Variants in DDN observed in about 807,000 individuals in gnomAD.
DDN encodes the protein dendrin.
A neutral mutation model predicts 7.3 loss-of-function variants in DDN; 4 were observed. That is an observed-to-expected ratio of 0.55 (90% confidence interval 0.27 to 1.25). DDN has a LOEUF of 1.25. Among genes scored for constraint, DDN ranks in the 50% most tolerant of loss-of-function variants. The pLI is 0.12. For missense variants in DDN, 933 were observed against 974.7 expected (o/e 0.96, Z 0.57); for synonymous variants, 425 against 424.3 (o/e 1.00, Z -0.02).
chr12:48,996,537 T>G lies in DDN; in HGVS notation c.*203A>C. 1 of 868,222 alleles carries G rather than the reference T, an allele frequency of 1.2e-6. No individual in the cohort carries two copies. 53.8% of individuals were successfully genotyped at this position (868,222 alleles called of 1,614,324 possible). On this transcript the variant is annotated 3_prime_UTR_variant, in exon 2 of 2. Coordinates refer to ENST00000421952, the MANE Select transcript of DDN (RefSeq NM_015086.2). ...TGCCCTGAACATAACAGACATTAAT[T>G]AAATCTGCTCATTCTCACCTCTCCT...
At position 48,996,943 on chromosome 12, in the gene DDN, C is replaced by T. The variant is rs1241266428; in HGVS notation, c.1933G>A (p.Asp645Asn). 1 of 1,590,180 alleles carries T rather than the reference C, an allele frequency of 6.3e-7. No homozygotes were observed. ...CAGGAGGCGCCCGGGGCTTCTGTGTCGCTTCCATCAGAGGAGCCGCTATGG... is the reference window on the plus strand; with the variant it reads ...CAGGAGGCGCCCGGGGCTTCTGTGTTGCTTCCATCAGAGGAGCCGCTATGG... ...SVHSGSSDGS[D>N]TEAPGASWRN... The change falls in exon 2 of 2, where the codon GAC becomes AAC. Residue 645 changes from aspartate to asparagine, a missense_variant. Transcript: ENST00000421952.
Position 48,999,261 on chromosome 12 carries a change from C to G in DDN, c.27G>C (p.Glu9Asp). 1 of 1,555,450 alleles carries G rather than the reference C, an allele frequency of 6.4e-7. No homozygotes were observed. The highest frequency in any genetic ancestry group is 8.7e-7 in the Non-Finnish European group (1 of 1,149,358). ...GGAGCTCCCGGGGGCTGTCAGGCCCCTCGGAGAACAGTGGGCCATCCAGCA... is the reference window on the plus strand; with the variant it reads ...GGAGCTCCCGGGGGCTGTCAGGCCCGTCGGAGAACAGTGGGCCATCCAGCA... MLDGPLFS[E>D]GPDSPRELQD... is the part of the protein sequence containing the mutation. Residue 9 changes from glutamate (E) to aspartate (D), a missense_variant, in exon 1 of 2, where the codon GAG becomes GAC. Glu to Asp is a conservative substitution (Grantham distance 45). Transcript: ENST00000421952.
chr12:48,999,004 G>C, intron 1 of DDN, 75 bp downstream of exon 1: 1 of 1,508,588 alleles, frequency 6.6e-7, no homozygotes, highest in Non-Finnish European at 9.2e-7. Flanking sequence ...AGCAGTGCTC[G>C]CTGGTGCCTG....
chr12:48,999,306 G>T lies in DDN; in HGVS notation c.-19C>A, dbSNP rs968216381. The T allele has an allele frequency of 5.1e-6, 4 of 791,734 alleles. No individual in the cohort carries two copies. The highest frequency in any genetic ancestry group is 6.8e-6 in the Non-Finnish European group (4 of 588,304). 49.0% of individuals were successfully genotyped at this position (791,734 alleles called of 1,614,324 possible). On this transcript the variant is annotated 5_prime_UTR_variant, in exon 1 of 2. Coordinates refer to ENST00000421952, the MANE Select transcript of DDN (RefSeq NM_015086.2). ...CCAGCATCCTGCCCCACCCCACCCC[G>T]GCCCCCCACCCTCCCACCCGCCCCA...
Position 48,997,641 on chromosome 12 carries a change from C to T in DDN, c.1235G>A (p.Trp412Ter). Residue 412 changes from tryptophan (W) to a stop codon, truncating the protein, a stop_gained, in exon 2 of 2, where the codon TGG (tryptophan) becomes TAG (stop). Transcript: ENST00000421952. LOFTEE classifies it low-confidence loss of function (END_TRUNC). ...CTCTCCAAGACCCAGAGATTCTCTC[C>T]ATCCGGTGCCTCCGGGAGCCCAGGG... Reference protein sequence around the residue: ...PRPWAPGGTGWRESLGLGEGA... With the variant: ...PRPWAPGGTG 6.5e-7 allele frequency: 1 copy of T among 1,548,050 alleles called. No homozygotes were observed. Among genetic ancestry groups the T allele is most frequent in the Non-Finnish European group, 8.7e-7 (1 of 1,145,958 alleles).
At position 48,997,140 on chromosome 12, in the gene DDN, C is replaced by G. The variant is rs149836945; in HGVS notation, c.1736G>C (p.Gly579Ala). Residue 579 changes from glycine (G) to alanine (A), a missense_variant, in exon 2 of 2, where the codon GGA becomes GCA. Coordinates refer to ENST00000421952, the MANE Select transcript of DDN (RefSeq NM_015086.2). ...EHQALGPAAS[G>A]AQGRAEGSEV... ...CGACCCCTCGGCTCTGCCCTGGGCT[C>G]CCGAAGCTGCTGGGCCTAAGGCTTG... 2.6e-6 allele frequency: 4 copies of G among 1,529,826 alleles called. No individual in the cohort carries two copies. The African/African-American group carries it at 5.6e-5, about 21-fold the overall frequency. The allele number at this position is 1,529,826 out of a possible 1,614,324, so 94.8% of individuals were successfully genotyped here. A position where few individuals can be genotyped will look rare whatever the true frequency, so the allele number is the denominator to read the frequency against.
In DDN at chr12:48,997,859, C is replaced by T. The variant is rs763507726; in HGVS notation, c.1017G>A (p.Gly339=). 30 of 1,613,456 alleles carry T rather than the reference C, an allele frequency of 1.9e-5. No individual in the cohort carries two copies. The highest frequency in any genetic ancestry group is 1.6e-4 in the Middle Eastern group (1 of 6,062). Residue 339 remains glycine (G), a synonymous_variant, in exon 2 of 2, where the codon GGG becomes GGA. Transcript: ENST00000421952. ...CAGGAGCTATCTCGGTGCCTGCGCT[C>T]CCTGTAGCTTTGGCTTGGGGATGGC... ...SDSHPQAKAT[G]SAGTEIAPAG...
Position 48,998,273 on chromosome 12 carries a change from TG to T in DDN, c.602del (p.Pro201GlnfsTer9). The T allele has an allele frequency of 6.2e-7, 1 of 1,606,120 alleles. No homozygotes were observed. The highest frequency in any genetic ancestry group is 8.5e-7 in the Non-Finnish European group (1 of 1,177,036). Reference protein sequence around the residue: ...GPWGGRRPGPPSYEAHLLLRG... With the variant: ...GPWGGRRPGPXSYEAHLLLRG... ...TCAGCAGCAGGTGAGCCTCGTAGCT[TG>T]GGGGCCCGGGCCGCCGACCTCCCCA... On this transcript the variant is annotated frameshift_variant, in exon 2 of 2. Coordinates refer to ENST00000421952, the MANE Select transcript of DDN (RefSeq NM_015086.2). LOFTEE classifies it low-confidence loss of function (END_TRUNC).
intron 1 of DDN, 145 bp downstream of exon 1, chr12:48,998,934 T>A (rs1235737497): frequency 9.8e-7 from 1 of 1,017,442 alleles, no homozygotes; most frequent in Non-Finnish European, 1.4e-6. Flanking sequence ...ACGGGATGAG[T>A]CAGGCCCCAG....
chr12:48,999,353 G>T lies in DDN; in HGVS notation c.-66C>A, dbSNP rs1941267530. On this transcript the variant is annotated 5_prime_UTR_variant, in exon 1 of 2. Transcript: ENST00000421952. ...CCCAGGAGCCCCCTCCCAGCCCAGG[G>T]AGCCGGCGCCCACTGCAGAGCCGCG... The T allele has an allele frequency of 6.9e-6, 9 of 1,308,924 alleles. No homozygotes were observed. The highest frequency in any genetic ancestry group is 7.9e-6 in the Non-Finnish European group (8 of 1,016,194). 81.1% of individuals were successfully genotyped at this position (1,308,924 alleles called of 1,614,324 possible). A position where few individuals can be genotyped will look rare whatever the true frequency, so the allele number is the denominator to read the frequency against.
Position 48,999,171 on chromosome 12 carries a change from C to T in DDN, c.117G>A (p.Lys39=). The T allele has an allele frequency of 6.2e-7, 1 of 1,613,972 alleles. No individual in the cohort carries two copies. Among genetic ancestry groups the T allele is most frequent in the East Asian group, 2.2e-5 (1 of 44,870 alleles). Residue 39 remains lysine, a synonymous_variant, in exon 1 of 2, where the codon AAG becomes AAA. Coordinates refer to ENST00000421952, the MANE Select transcript of DDN (RefSeq NM_015086.2). ...QKSKLLVIEV[K]TISCHYSRRA... ...GGCGACTATAATGACAGGAAATAGT[C>T]TTCACTTCTATCACCAATAGCTTGG...
Position 48,999,241 on chromosome 12 carries a change from T to G in DDN, c.47A>C (p.Glu16Ala), listed in dbSNP as rs1941264423. ...LFSEGPDSPR[E>A]LQDEESGSCL... ...GCTGCCAGACTCCTCATCCTGGAGC[T>G]CCCGGGGGCTGTCAGGCCCCTCGGA... is the stretch of plus-strand genomic sequence containing the variant. Residue 16 changes from glutamate (E) to alanine (A), a missense_variant, in exon 1 of 2, where the codon GAG becomes GCG. Glu to Ala is a moderately radical substitution (Grantham distance 107). Coordinates refer to ENST00000421952, the MANE Select transcript of DDN (RefSeq NM_015086.2). 6.4e-7 allele frequency: 1 copy of G among 1,572,224 alleles called. No individual in the cohort carries two copies. Among genetic ancestry groups the G allele is most frequent in the African/African-American group, 1.4e-5 (1 of 73,624 alleles).
chr12:48,999,356 C>T lies in DDN; in HGVS notation c.-69G>A, dbSNP rs911530167. On this transcript the variant is annotated 5_prime_UTR_variant, in exon 1 of 2. Transcript: ENST00000421952. The stretch of plus-strand genomic sequence containing the variant: ...AGGAGCCCCCTCCCAGCCCAGGGAG[C>T]CGGCGCCCACTGCAGAGCCGCGGGC... 1.1e-5 allele frequency: 15 copies of T among 1,417,868 alleles called. No individual in the cohort carries two copies. The highest frequency in any genetic ancestry group is 2.5e-4 in the Middle Eastern group (1 of 3,968). 87.8% of individuals were successfully genotyped at this position (1,417,868 alleles called of 1,614,324 possible). A position where few individuals can be genotyped will look rare whatever the true frequency, so the allele number is the denominator to read the frequency against.
In DDN at chr12:48,996,750, T is replaced by C. The variant is rs1439509204; in HGVS notation, c.2126A>G (p.Lys709Arg). 1 of 1,612,834 alleles carries C rather than the reference T, an allele frequency of 6.2e-7. No individual in the cohort carries two copies. The highest frequency in any genetic ancestry group is 1.3e-5 in the African/African-American group (1 of 74,916). ...ACAAGAAGGGGCCTCTCACTGCCTCTTCCTATTTCCCTGTTGGGTCCCTCT... is the reference window on the plus strand; with the variant it reads ...ACAAGAAGGGGCCTCTCACTGCCTCCTCCTATTTCCCTGTTGGGTCCCTCT... The part of the protein sequence containing the change: ...DIRGTQQGNR[K>R]RQ Residue 709 changes from lysine (K) to arginine (R), a missense_variant, in exon 2 of 2, where the codon AAG becomes AGG. Coordinates refer to ENST00000421952, the MANE Select transcript of DDN (RefSeq NM_015086.2).
intron 1 of DDN, 76 bp downstream of exon 1, chr12:48,999,003 C>G: frequency 6.7e-7 from 1 of 1,492,430 alleles, no homozygotes; most frequent in Admixed American, 1.7e-5. Flanking sequence ...CAGCAGTGCT[C>G]GCTGGTGCCT....
rs370595146 is a variant in DDN at position 48,998,680 on chromosome 12, C to T, written c.210-14G>A. On this transcript the variant is annotated splice_polypyrimidine_tract_variant and intron_variant, in intron 1 of 1. Transcript: ENST00000421952. ...CGCGGCCCACACCTGGGACAATGAG[C>T]AGGAACCCAGGTGAGCAGTTTGTGG... The T allele has an allele frequency of 1.6e-4, 235 of 1,478,170 alleles. No individual in the cohort carries two copies. Among genetic ancestry groups the T allele is most frequent in the Non-Finnish European group, 2.0e-4 (227 of 1,124,030 alleles). 91.6% of individuals were successfully genotyped at this position (1,478,170 alleles called of 1,614,324 possible).
At position 48,997,936 on chromosome 12, in the gene DDN, C is replaced by A; in HGVS notation, c.940G>T (p.Val314Leu). 6.2e-7 allele frequency: 1 copy of A among 1,612,952 alleles called. No homozygotes were observed. Among genetic ancestry groups the A allele is most frequent in the Non-Finnish European group, 8.5e-7 (1 of 1,179,998 alleles). Residue 314 changes from valine to leucine, a missense_variant, in exon 2 of 2, where the codon GTG (valine) becomes TTG (leucine). Val to Leu is a conservative substitution (Grantham distance 32). Coordinates refer to ENST00000421952, the MANE Select transcript of DDN (RefSeq NM_015086.2). ...GCAGCCAGCCCCAGGCTTTTCTCCACGACCCCCTTGCCGGGCTCTGGCCTT... is the reference window on the plus strand; with the variant it reads ...GCAGCCAGCCCCAGGCTTTTCTCCAAGACCCCCTTGCCGGGCTCTGGCCTT... Reference protein sequence around the residue: ...RARPEPGKGVVEKSLGLAAAD... With the variant: ...RARPEPGKGVLEKSLGLAAAD...
In DDN at chr12:48,999,291, G is replaced by GGCCCCCCCCCCC; in HGVS notation, c.-5_-4insGGGGGGGGGGGC. The GGCCCCCCCCCCC allele has an allele frequency of 5.3e-6, 8 of 1,509,976 alleles. No individual in the cohort carries two copies. Among genetic ancestry groups the GGCCCCCCCCCCC allele is most frequent in the East Asian group, 2.5e-5 (1 of 39,404 alleles). 93.5% of individuals were successfully genotyped at this position (1,509,976 alleles called of 1,614,324 possible). A position where few individuals can be genotyped will look rare whatever the true frequency, so the allele number is the denominator to read the frequency against. ...AGAACAGTGGGCCATCCAGCATCCT[G>GGCCCCCCCCCCC]CCCCACCCCACCCCGGCCCCCCACC... On this transcript the variant is annotated 5_prime_UTR_variant, in exon 1 of 2. Transcript: ENST00000421952.
At position 48,996,719 on chromosome 12, in the gene DDN, A is replaced by G; in HGVS notation, c.*21T>C. 3 of 1,607,338 alleles carry G rather than the reference A, an allele frequency of 1.9e-6. No individual in the cohort carries two copies. The highest frequency in any genetic ancestry group is 1.1e-5 in the South Asian group (1 of 90,862). On this transcript the variant is annotated 3_prime_UTR_variant, in exon 2 of 2. Coordinates refer to ENST00000421952, the MANE Select transcript of DDN (RefSeq NM_015086.2). Reference sequence around the variant, plus strand: ...ACCCAAGGATGGATGCGTTGGGGACACAAATACAAGAAGGGGCCTCTCACT... The same window carrying G: ...ACCCAAGGATGGATGCGTTGGGGACGCAAATACAAGAAGGGGCCTCTCACT...
Sources: gnomAD v4.1 joint callset for allele counts on GRCh38, gnomAD v4.1.1 for gene constraint, MANE v1.5 for transcripts, NCBI Gene and HGNC (gene_info 2026-07-23, HGNC 2026-07-21) for gene names.